SMOC2: variants seen among roughly 807,000 people sequenced by gnomAD.
SMOC2 encodes SPARC-related modular calcium-binding protein 2.
Under a neutral mutation model 61.4 loss-of-function variants are expected in SMOC2, and 39 were observed. The observed-to-expected ratio is 0.64, with a 90% CI of 0.49 to 0.83. The LOEUF (loss-of-function observed/expected upper bound fraction) is 0.83. SMOC2 is among the 40% of genes least tolerant of loss of function. SMOC2 has a pLI of 0.00. For synonymous variants in SMOC2, 247 were observed against 239.9 expected (o/e 1.03, Z -0.27); for missense variants, 556 against 592.9 (o/e 0.94, Z 0.65).
intron 9 of SMOC2, among the ~76,000 whole-genome samples, chr6:168,647,880 G>A (rs1322095069): frequency 6.6e-6 from 1 of 152,110 alleles, no homozygotes; most frequent in Non-Finnish European, 1.5e-5. Flanking sequence ...GGACTGAGCA[G>A]GATTGATTTG....
At chr6:168,567,225 T>G (rs560836023) in intron 7 of SMOC2, among the ~76,000 whole-genome samples, 1 of 152,232 alleles carries the variant, frequency 6.6e-6, no homozygotes, top group African/African-American at 2.4e-5. Context: ...AAAATACTTC[T>G]TTGGGAAGAG....
intron 1 of SMOC2, among the ~76,000 whole-genome samples, chr6:168,456,898 C>T (rs1781599267): frequency 6.6e-6 from 1 of 152,190 alleles, no homozygotes; most frequent in South Asian, 2.1e-4. Context: ...TGAATGAGTT[C>T]AGTCTTCATC....
chr6:168,613,679 A>C (rs1279716899), intron 9 of SMOC2, among the ~76,000 whole-genome samples: 6 of 141,874 alleles, frequency 4.2e-5, no homozygotes, highest in African/African-American at 1.6e-4. Context: ...ACCTACAGCC[A>C]GCACAGGGCC....
At chr6:168,611,842 C>G (rs1785877178) in intron 9 of SMOC2, among the ~76,000 whole-genome samples, 1 of 152,154 alleles carries the variant, frequency 6.6e-6, no homozygotes, top group Admixed American at 6.5e-5. Context: ...CCCACACATC[C>G]TTCAGGACGG....
intron 1 of SMOC2, among the ~76,000 whole-genome samples, chr6:168,496,491 G>T (rs1782592857): frequency 6.6e-6 from 1 of 152,202 alleles, no homozygotes; most frequent in African/African-American, 2.4e-5. Context: ...TTGTGTGTTG[G>T]ACTGTCCAAG....
intron 12 of SMOC2, chr6:168,665,151 G>A (rs1787629238): frequency 4.6e-6 from 1 of 218,074 alleles, no homozygotes; most frequent in African/African-American, 2.3e-5. Context: ...ACCTCCAGAA[G>A]TTGTTTTCAT....
intron 11 of SMOC2, among the ~76,000 whole-genome samples, chr6:168,656,522 AAAAAAAAAGAAAAG>A (rs1787327125): frequency 7.0e-6 from 1 of 142,294 alleles, no homozygotes; most frequent in Non-Finnish European, 1.5e-5. Context: ...AAAAAAAAAA[AAAAAAAAAGAAAAG>A]AAAAGAAAAA....
At chr6:168,486,807 A>C (rs529387816) in intron 1 of SMOC2, among the ~76,000 whole-genome samples, 1 of 152,202 alleles carries the variant, frequency 6.6e-6, no homozygotes, top group East Asian at 1.9e-4. Flanking sequence ...CTGCTATCCA[A>C]ATCCATGTCT....
intron 4 of SMOC2, among the ~76,000 whole-genome samples, chr6:168,540,168 G>A (rs144305144): frequency 3.3e-5 from 5 of 152,356 alleles, no homozygotes; most frequent in East Asian, 3.9e-4. Context: ...CCCTGCCGTC[G>A]TTTCCTGTGG....
intron 1 of SMOC2, among the ~76,000 whole-genome samples, chr6:168,498,918 A>G (rs369419355): frequency 1.1e-3 from 124 of 108,588 alleles, no homozygotes; most frequent in East Asian, 7.4e-3. Context: ...CCTGTTTACT[A>G]CACATGGAAA....
intron 4 of SMOC2, among the ~76,000 whole-genome samples, chr6:168,536,917 T>C (rs1783745162): frequency 6.6e-6 from 1 of 152,148 alleles, no homozygotes; most frequent in African/African-American, 2.4e-5. Flanking sequence ...AGGTGTTGTG[T>C]GTGTCTGAAG....
intron 1 of SMOC2, among the ~76,000 whole-genome samples, chr6:168,488,262 C>T (rs1162057601): frequency 1.3e-5 from 2 of 152,242 alleles, no homozygotes; most frequent in Non-Finnish European, 2.9e-5. Flanking sequence ...CAGCTGTCTG[C>T]TCCCATGGCC....
rs978758902 is a variant in SMOC2 at position 168,553,288 on chromosome 6, A to G, written c.637+4085A>G. ...AAAAGTGCATTACTCAGTTTTTCCC[A>G]TCAATATAAAATTGTGTTACTTCTT... On this transcript the variant is annotated intron_variant, in intron 7 of 12. Coordinates refer to ENST00000356284, the MANE Select transcript of SMOC2 (RefSeq NM_001166412.2). This position sits in a 1 kb window ranked among gnomAD's most constrained non-coding sequence, Gnocchi z 4.2. 3.9e-5 allele frequency among the ~76,000 whole-genome samples: 6 copies of G among 152,210 alleles called. No homozygotes were observed. The highest frequency in any genetic ancestry group is 6.5e-5 in the Admixed American group (1 of 15,286).
chr6:168,545,406 A>G (rs1783970416), intron 5 of SMOC2, among the ~76,000 whole-genome samples: 1 of 152,218 alleles, frequency 6.6e-6, no homozygotes, highest in Non-Finnish European at 1.5e-5. Context: ...GACACTTCAC[A>G]CACTCTGATA....
rs767608976 is a variant in SMOC2, at chr6:168,650,797, G to T, written c.1010+14G>T. ...CTCGTCAGGCAGGTACGCTGTGTTCGCCGTGGGACAACAAGTTGGCAGGGT... is the reference window on the plus strand; with the variant it reads ...CTCGTCAGGCAGGTACGCTGTGTTCTCCGTGGGACAACAAGTTGGCAGGGT... On this transcript the variant is annotated intron_variant, in intron 10 of 12. Transcript: ENST00000356284. 1.2e-6 allele frequency: 2 copies of T among 1,602,108 alleles called. No individual in the cohort carries two copies. The highest frequency in any genetic ancestry group is 1.1e-5 in the South Asian group (1 of 90,182).
intron 9 of SMOC2, among the ~76,000 whole-genome samples, chr6:168,610,703 T>C (rs1389119825): frequency 6.6e-6 from 1 of 152,232 alleles, no homozygotes; most frequent in East Asian, 1.9e-4. Flanking sequence ...TCACATCTTA[T>C]GTAGGACAGT....
chr6:168,454,285 T>G (rs1361724075), intron 1 of SMOC2, among the ~76,000 whole-genome samples: 1 of 152,096 alleles, frequency 6.6e-6, no homozygotes, highest in Non-Finnish European at 1.5e-5. Context: ...CTCTGAGAGC[T>G]GAGGCATCGC....
rs1786041771 is a variant in SMOC2 at position 168,615,263 on chromosome 6, TTTCACACCTACAGCCAGCATGGGGCCTC to T, written c.907+7044_907+7071del. Among the ~76,000 whole-genome samples, 32 of 20,324 alleles carry T rather than the reference TTTCACACCTACAGCCAGCATGGGGCCTC, an allele frequency of 1.6e-3. 3 individuals are homozygous for T. The highest frequency in any genetic ancestry group is 5.3e-3 in the African/African-American group (30 of 5,622). 13.3% of individuals were successfully genotyped at this position (20,324 alleles called of 152,430 possible). On this transcript the variant is annotated intron_variant, in intron 9 of 12. Transcript: ENST00000356284. ...CACACCTACAGCCAGCACGGGGCCT[TTTCACACCTACAGCCAGCATGGGGCCTC>T]TTCACACCTACAGCCAGCACGGGGC...
intron 8 of SMOC2, among the ~76,000 whole-genome samples, chr6:168,605,431 T>G (rs10945525): frequency 0.19 from 29,011 of 152,070 alleles, 3,501 homozygotes; most frequent in East Asian, 0.33. Context: ...ATAAACCTAT[T>G]GAAAAGAATG....
Sources: gnomAD v4.1 joint callset for allele counts (sites outside exome capture counted in the v4.1 genomes callset) on GRCh38, gnomAD v4.1.1 for gene constraint, Gnocchi (gnomAD v3.1) non-coding constraint, MANE v1.5 for transcripts, NCBI Gene and HGNC (gene_info 2026-07-23, HGNC 2026-07-21) for gene names.